The following FANCB variants were observed in gnomAD, a reference collection of about 807,000 sequenced individuals.
FANCB encodes the protein FA complementation group B.
Under a neutral mutation model 38.9 loss-of-function variants are expected in FANCB, and 5 were observed. The observed-to-expected ratio is 0.13, with a 90% CI of 0.07 to 0.27. FANCB has a LOEUF of 0.27. Ranked by LOEUF, FANCB falls within the 10% of genes least tolerant of loss-of-function variation. The probability of loss-of-function intolerance (pLI) is 1.00; values close to 1 mark genes in which losing one functional copy is unlikely to be tolerated. For synonymous variants in FANCB, 236 were observed against 215.4 expected, an observed-to-expected ratio of 1.10 and a Z score of -0.84; for missense variants, 573 against 602.7, an observed-to-expected ratio of 0.95 and a Z score of 0.52.
the FANCB span, among the ~76,000 whole-genome samples, chrX:14,724,013 T>C: frequency 8.9e-6 from 1 of 111,984 alleles, no homozygotes. Context: ...GCCTGGCATC[T>C]CTGCAAGCCT....
At chrX:14,818,921 CT>C in the FANCB span, among the ~76,000 whole-genome samples, 2 of 112,260 alleles carry the variant, frequency 1.8e-5, no homozygotes, top group Non-Finnish European at 3.8e-5. Flanking sequence ...AAATTTGCAA[CT>C]GAAAAAGTGA....
At chrX:14,824,246 T>A in the FANCB span, among the ~76,000 whole-genome samples, 1 of 111,817 alleles carries the variant, frequency 8.9e-6, no homozygotes, top group Non-Finnish European at 1.9e-5. Flanking sequence ...AAACACACAT[T>A]TGGGTTTATC....
intron 7 of FANCB, among the ~76,000 whole-genome samples, chrX:14,848,505 C>G (rs1189153190): frequency 8.9e-6 from 1 of 111,908 alleles, no homozygotes; most frequent in South Asian, 3.7e-4. Context: ...GGCATACTCC[C>G]TTCTGAGAAT....
intron 7 of FANCB, among the ~76,000 whole-genome samples, chrX:14,848,286 G>A (rs752167625): frequency 1.8e-5 from 2 of 112,279 alleles, no homozygotes; most frequent in East Asian, 5.6e-4. Context: ...CCCCTCCAGA[G>A]AGCCTATGAA....
chrX:14,826,400 G>C, the FANCB span, among the ~76,000 whole-genome samples: 1 of 112,037 alleles, frequency 8.9e-6, no homozygotes, highest in Non-Finnish European at 1.9e-5. Context: ...TGTAATTTTA[G>C]CTCATCTAGA....
the FANCB span, among the ~76,000 whole-genome samples, chrX:14,710,267 T>C: frequency 8.9e-6 from 1 of 112,152 alleles, no homozygotes; most frequent in Non-Finnish European, 1.9e-5. Context: ...GCATTGACTT[T>C]CATCCCTCTG....
At chrX:14,704,909 G>C in the FANCB span, among the ~76,000 whole-genome samples, 3 of 111,971 alleles carry the variant, frequency 2.7e-5, no homozygotes, top group African/African-American at 9.7e-5. Context: ...ATGAGGTAGA[G>C]AATTTTAAGA....
chrX:14,850,713 T>A, intron 6 of FANCB, 39 bp from the exon 7 acceptor site: 1 of 868,581 alleles, frequency 1.2e-6, no homozygotes, highest in Non-Finnish European at 1.6e-6. Flanking sequence ...ATAAAATACG[T>A]ACCGTCTGTA....
the FANCB span, chrX:14,731,353 T>C: frequency 2.7e-5 from 3 of 112,198 alleles, no homozygotes; most frequent in East Asian, 8.4e-4. Flanking sequence ...GCTTTGGCTA[T>C]ATTTACACGT....
chrX:14,748,653 C>T, the FANCB span, among the ~76,000 whole-genome samples: 59 of 112,552 alleles, frequency 5.2e-4, no homozygotes, highest in African/African-American at 1.8e-3. Flanking sequence ...TGAACATTGT[C>T]TGGTATTTGT....
At chrX:14,795,882 T>C in the FANCB span, among the ~76,000 whole-genome samples, 5 of 111,676 alleles carry the variant, frequency 4.5e-5, no homozygotes, top group South Asian at 1.1e-3. Context: ...TGATGGGACA[T>C]GAGTATGAAA....
rs1404486920 is a variant in FANCB, at chrX:14,868,974, A to G, written c.-122T>C. 8.9e-6 allele frequency: 1 copy of G among 112,099 alleles called. No homozygotes were observed. The highest frequency in any genetic ancestry group is 1.9e-5 in the Non-Finnish European group (1 of 53,121). 9.2% of individuals were successfully genotyped at this position (112,099 alleles called of 1,213,427 possible). On this transcript the variant is annotated 5_prime_UTR_variant, in exon 2 of 10. Transcript: ENST00000650831. The stretch of plus-strand genomic sequence containing the variant: ...AAGATCTGGGACAATAGGCATCACA[A>G]AGTAGTTTCAGCTTCATCAGTAAAG...
chrX:14,717,557 T>A, the FANCB span, among the ~76,000 whole-genome samples: 6 of 95,041 alleles, frequency 6.3e-5, no homozygotes, highest in African/African-American at 3.0e-4. Flanking sequence ...AATATTTATT[T>A]GTAGAGATCA....
chrX:14,774,978 G>A, the FANCB span, among the ~76,000 whole-genome samples: 4 of 109,719 alleles, frequency 3.6e-5, no homozygotes, highest in Non-Finnish European at 5.7e-5. Flanking sequence ...GACTATAAGC[G>A]CCTGCCACAA....
At chrX:14,800,435 A>G in the FANCB span, among the ~76,000 whole-genome samples, 3 of 111,712 alleles carry the variant, frequency 2.7e-5, no homozygotes, top group Non-Finnish European at 5.6e-5. Flanking sequence ...ACAAGTTAGG[A>G]AGACACAAGA....
chrX:14,859,855 T>C (rs1057341312), intron 3 of FANCB, among the ~76,000 whole-genome samples: 4 of 111,523 alleles, frequency 3.6e-5, no homozygotes, highest in Non-Finnish European at 7.5e-5. Flanking sequence ...ACAGTACTAG[T>C]AGACACCTTA....
chrX:14,815,335 G>A, the FANCB span, among the ~76,000 whole-genome samples: 34 of 107,606 alleles, frequency 3.2e-4, no homozygotes, highest in Non-Finnish European at 5.8e-4. Flanking sequence ...AAAAAGTGGG[G>A]GGGAAGAATC....
chrX:14,752,603 A>G, the FANCB span, among the ~76,000 whole-genome samples: 16 of 111,820 alleles, frequency 1.4e-4, 1 homozygote, highest in South Asian at 4.5e-3. Context: ...TTCTCTTCAC[A>G]TGTAGTTGAC....
At chrX:14,724,455 G>A in the FANCB span, among the ~76,000 whole-genome samples, 4 of 108,235 alleles carry the variant, frequency 3.7e-5, no homozygotes, top group African/African-American at 6.8e-5. Context: ...GTAAAACCCC[G>A]TCTCTACTAA....
Sources: gnomAD v4.1 joint callset for allele counts (sites outside exome capture counted in the v4.1 genomes callset) on GRCh38, gnomAD v4.1.1 for gene constraint, MANE v1.5 for transcripts, NCBI Gene and HGNC (gene_info 2026-07-23, HGNC 2026-07-21) for gene names.